Variants in PCSK2 observed in about 807,000 individuals in gnomAD.
PCSK2 encodes the protein proprotein convertase subtilisin/kexin type 2.
A neutral mutation model predicts 69.7 loss-of-function variants in PCSK2; 14 were observed. The observed-to-expected ratio is 0.20, with a 90% CI of 0.13 to 0.31. The LOEUF is 0.31. Among genes scored for constraint, PCSK2 ranks in the 10% least tolerant of loss-of-function variants. The probability of loss-of-function intolerance (pLI) is 1.00; values close to 1 mark genes in which losing one functional copy is unlikely to be tolerated. For synonymous variants in PCSK2, 307 were observed against 320.7 expected, an observed-to-expected ratio of 0.96 and a Z score of 0.46; for missense variants, 544 against 842.5, an observed-to-expected ratio of 0.65 and a Z score of 4.39.
At chr20:17,355,765 G>T (rs2030176508) in intron 2 of PCSK2, among the ~76,000 whole-genome samples, 1 of 152,042 alleles carries the variant, frequency 6.6e-6, no homozygotes, top group Non-Finnish European at 1.5e-5. Context: ...TCTGAAATCT[G>T]TCACTGTGCC....
chr20:17,395,299 G>C (rs2123279311), intron 5 of PCSK2, among the ~76,000 whole-genome samples: 1 of 152,340 alleles, frequency 6.6e-6, no homozygotes, highest in Non-Finnish European at 1.5e-5. Context: ...TCAAGTCCCT[G>C]AGTCCACCTT....
In PCSK2 at chr20:17,472,881, G is replaced by T. The variant is rs1409047408; in HGVS notation, c.1430+7328G>T. ...CACAGCTTCATAACTTTATCTTACA[G>T]TTGAAGATTCATAACACAAGAAGCA... On this transcript the variant is annotated intron_variant, in intron 11 of 11. Transcript: ENST00000262545. 2.0e-5 allele frequency among the ~76,000 whole-genome samples: 3 copies of T among 152,232 alleles called. No homozygotes were observed. The South Asian group carries it at 6.2e-4, about 32-fold the overall frequency.
chr20:17,327,948 G>T (rs1990110488), intron 2 of PCSK2, among the ~76,000 whole-genome samples: 1 of 152,028 alleles, frequency 6.6e-6, no homozygotes, highest in Non-Finnish European at 1.5e-5. Flanking sequence ...ATACACGCAC[G>T]CGATGCCCAT....
chr20:17,335,326 G>T (rs992752608), intron 2 of PCSK2, among the ~76,000 whole-genome samples: 28 of 152,080 alleles, frequency 1.8e-4, no homozygotes, highest in Non-Finnish European at 2.6e-4. Flanking sequence ...GCCTCAGGGG[G>T]CTCAGACTTC....
At chr20:17,244,391 C>T (rs988779922) in intron 1 of PCSK2, among the ~76,000 whole-genome samples, 3 of 152,212 alleles carry the variant, frequency 2.0e-5, no homozygotes, top group African/African-American at 4.8e-5. Flanking sequence ...TCTGTCCCAG[C>T]TCTGCCACTA....
intron 11 of PCSK2, among the ~76,000 whole-genome samples, chr20:17,468,306 G>A (rs536783027): frequency 1.9e-3 from 271 of 143,152 alleles, no homozygotes; most frequent in African/African-American, 6.6e-3. Context: ...GCATCCTGCC[G>A]TAGACAGGCA....
chr20:17,329,610 G>A lies in PCSK2; in HGVS notation c.283-28717G>A, dbSNP rs1048314354. ...GACGGTCACCAAGTTTAAAAACTTC[G>A]CTCTCTCAGCTAACACGTGCATATC... On this transcript the variant is annotated intron_variant, in intron 2 of 11. Transcript: ENST00000262545. 5.3e-5 allele frequency among the ~76,000 whole-genome samples: 8 copies of A among 152,224 alleles called. No individual in the cohort carries two copies. In the East Asian group the frequency reaches 1.2e-3, roughly 22 times the overall value.
At chr20:17,379,607 G>A (rs1192324574) in intron 5 of PCSK2, among the ~76,000 whole-genome samples, 1 of 152,170 alleles carries the variant, frequency 6.6e-6, no homozygotes, top group East Asian at 1.9e-4. Context: ...TTGATGGTAG[G>A]CAGAATTGTA....
intron 3 of PCSK2, 150 bp from the exon 4 acceptor site, chr20:17,360,382 G>T (rs2030352001): frequency 3.8e-6 from 2 of 531,528 alleles, no homozygotes; most frequent in Non-Finnish European, 6.7e-6. Context: ...GGTTGGGAGG[G>T]ACACCCAAAA....
In PCSK2 at chr20:17,311,238, A is replaced by G. The variant is rs1257380075; in HGVS notation, c.283-47089A>G. Among the ~76,000 whole-genome samples, 3 of 152,256 alleles carry G rather than the reference A, an allele frequency of 2.0e-5. No homozygotes were observed. The East Asian group carries it at 5.8e-4, about 29-fold the overall frequency. Reference sequence around the variant, plus strand: ...TAGTTTCTATTCTGCATTGTAGTAGATTTTAAAAAGATTTCCATTGAAAAC... The same window carrying G: ...TAGTTTCTATTCTGCATTGTAGTAGGTTTTAAAAAGATTTCCATTGAAAAC... On this transcript the variant is annotated intron_variant, in intron 2 of 11. Coordinates refer to ENST00000262545, the MANE Select transcript of PCSK2 (RefSeq NM_002594.5).
intron 2 of PCSK2, among the ~76,000 whole-genome samples, chr20:17,341,489 AT>A (rs1990509580): frequency 6.6e-6 from 1 of 152,140 alleles, no homozygotes; most frequent in Admixed American, 6.5e-5. Context: ...GTATTATTTT[AT>A]GTTTACCCTT....
intron 1 of PCSK2, among the ~76,000 whole-genome samples, chr20:17,257,248 T>C (rs2179461): frequency 0.51 from 76,739 of 151,912 alleles, 19,550 homozygotes; most frequent in East Asian, 0.66. Context: ...GTGAGAACGG[T>C]GATCATTAAA....
chr20:17,449,327 C>T (rs967032317), intron 8 of PCSK2, among the ~76,000 whole-genome samples: 3 of 152,158 alleles, frequency 2.0e-5, no homozygotes, highest in Non-Finnish European at 4.4e-5. Flanking sequence ...GCTCCAGGGC[C>T]ACCCTCTAAT....
chr20:17,335,427 TTGTGTGTGTGTGTG>T (rs56275148), intron 2 of PCSK2, among the ~76,000 whole-genome samples: 1 of 139,192 alleles, frequency 7.2e-6, no homozygotes, highest in African/African-American at 2.7e-5. Context: ...CAGCATCACT[TTGTGTGTGTGTGTG>T]TGTGTGTGTG....
At chr20:17,263,198 T>A in intron 2 of PCSK2, 5 of 890,828 alleles carry the variant, frequency 5.6e-6, no homozygotes, top group Non-Finnish European at 6.7e-6. Context: ...GAAATTTCAA[T>A]GATGTTTGCC....
intron 5 of PCSK2, among the ~76,000 whole-genome samples, chr20:17,402,997 A>T (rs1212355334): frequency 1.3e-5 from 2 of 152,098 alleles, no homozygotes; most frequent in Admixed American, 6.5e-5. Flanking sequence ...AAAACATAAA[A>T]TGTCCAGCCA....
At chr20:17,340,967 T>C (rs1990493496) in intron 2 of PCSK2, among the ~76,000 whole-genome samples, 2 of 152,168 alleles carry the variant, frequency 1.3e-5, no homozygotes, top group Admixed American at 1.3e-4. Flanking sequence ...TTTAAAGGAT[T>C]GGCCGGGCGC....
At chr20:17,419,043 T>C (rs930063837) in intron 6 of PCSK2, among the ~76,000 whole-genome samples, 1 of 152,194 alleles carries the variant, frequency 6.6e-6, no homozygotes, top group Non-Finnish European at 1.5e-5. Flanking sequence ...CTCAAAGAAG[T>C]AAAATGTTCC....
chr20:17,312,360 G>T (rs957935423), intron 2 of PCSK2, among the ~76,000 whole-genome samples: 6 of 152,072 alleles, frequency 3.9e-5, no homozygotes, highest in Middle Eastern at 3.4e-3. Context: ...CTCTTTTGAG[G>T]GCCAATAACA....
Sources: gnomAD v4.1 joint callset for allele counts (sites outside exome capture counted in the v4.1 genomes callset) on GRCh38, gnomAD v4.1.1 for gene constraint, MANE v1.5 for transcripts, NCBI Gene and HGNC (gene_info 2026-07-23, HGNC 2026-07-21) for gene names.